The following ANKMY1 variants were observed in gnomAD, a reference collection of about 807,000 sequenced individuals.
ANKMY1 encodes the protein ankyrin repeat and MYND domain-containing protein 1.
Under a neutral mutation model 102.0 loss-of-function variants are expected in ANKMY1, and 98 were observed. The observed-to-expected ratio is 0.96, with a 90% CI of 0.82 to 1.14. The LOEUF (loss-of-function observed/expected upper bound fraction) is 1.14. ANKMY1 is among the 50% of genes most tolerant of loss of function. The pLI is 0.00. For missense variants in ANKMY1, 1,330 were observed against 1,347.6 expected (o/e 0.99, Z 0.20); for synonymous variants, 582 against 559.9 (o/e 1.04, Z -0.56).
At chr2:240,508,904 A>G (rs1238365263) in intron 12 of ANKMY1, among the ~76,000 whole-genome samples, 1 of 151,192 alleles carries the variant, frequency 6.6e-6, no homozygotes, top group Non-Finnish European at 1.5e-5. Context: ...ATGGGTGAAT[A>G]GGTGAATGAA....
At chr2:240,541,187 A>G (rs2088669290) in intron 4 of ANKMY1, among the ~76,000 whole-genome samples, 1 of 152,110 alleles carries the variant, frequency 6.6e-6, no homozygotes, top group Non-Finnish European at 1.5e-5. Flanking sequence ...ATCTTTTGTG[A>G]GTGCCAGACA....
downstream of ANKMY1, among the ~76,000 whole-genome samples, chr2:240,474,490 T>C (rs2074730860): frequency 6.6e-6 from 1 of 151,898 alleles, no homozygotes; most frequent in Non-Finnish European, 1.5e-5. Flanking sequence ...TCATGGGGGG[T>C]TGTTGTACAG....
chr2:240,560,474 C>T (rs2092873983), upstream of ANKMY1: 2 of 698,672 alleles, frequency 2.9e-6, no homozygotes, highest in Non-Finnish European at 4.1e-6. Context: ...CCAAACCTCC[C>T]GCCATGCCCC....
Position 240,512,717 on chromosome 2 carries a change from A to G in ANKMY1, c.2145+85T>C, listed in dbSNP as rs912510070. The G allele has an allele frequency of 3.4e-6, 5 of 1,458,522 alleles. No homozygotes were observed. The African/African-American group carries it at 7.1e-5, about 21-fold the overall frequency. The allele number at this position is 1,458,522 out of a possible 1,614,324, so 90.3% of individuals were successfully genotyped here. On this transcript the variant is annotated intron_variant, in intron 10 of 17. Transcript: ENST00000401804. ...GCCAGGAGGCCCATCATGCTCGGCA[A>G]GCACAGGCTAGGCAGAGTGTGTGAA...
At chr2:240,513,533 C>T (rs1471913002) in intron 9 of ANKMY1, among the ~76,000 whole-genome samples, 3 of 152,244 alleles carry the variant, frequency 2.0e-5, no homozygotes, top group Middle Eastern at 3.2e-3. Flanking sequence ...AGACCAGCCT[C>T]GCTCCAACAG....
intron 11 of ANKMY1, among the ~76,000 whole-genome samples, chr2:240,511,369 A>C (rs556936691): frequency 2.6e-5 from 4 of 152,362 alleles, no homozygotes; most frequent in African/African-American, 9.6e-5. Context: ...ACTTGGCCTC[A>C]GTTTCCCCGC....
Position 240,529,527 on chromosome 2 carries a change from T to C in ANKMY1, c.481-18A>G, listed in dbSNP as rs370302312. On this transcript the variant is annotated intron_variant, in intron 4 of 17. Transcript: ENST00000401804. This position sits in a 1 kb window ranked among gnomAD's most constrained non-coding sequence, Gnocchi z 4.2. ...TATAGCCCCTGCCAAGGAAGCGCAA[T>C]AGACCGAGGAGAGATAACGCGACCC... 6.3e-6 allele frequency: 10 copies of C among 1,596,800 alleles called. 2 individuals carry two copies. The South Asian group carries it at 6.7e-5, about 11-fold the overall frequency.
chr2:240,496,259 T>C (rs1465526750), intron 15 of ANKMY1, among the ~76,000 whole-genome samples: 3 of 152,218 alleles, frequency 2.0e-5, no homozygotes, highest in Non-Finnish European at 4.4e-5. Context: ...ATAGATAAAT[T>C]ATTTTTAAAT....
intron 12 of ANKMY1, among the ~76,000 whole-genome samples, chr2:240,508,366 C>T (rs1405052822): frequency 2.6e-5 from 4 of 152,250 alleles, no homozygotes; most frequent in South Asian, 2.1e-4. Context: ...TGGATGACTC[C>T]GTGCAGGAGA....
intron 4 of ANKMY1, among the ~76,000 whole-genome samples, chr2:240,530,996 G>A (rs1330073306): frequency 3.3e-5 from 5 of 151,320 alleles, no homozygotes; most frequent in Non-Finnish European, 7.4e-5. Flanking sequence ...GCCACTACTG[G>A]GATAAAATAT....
chr2:240,479,730 C>G (rs959624095), intron 17 of ANKMY1, 75 bp from the exon 18 acceptor site: 2 of 1,413,882 alleles, frequency 1.4e-6, no homozygotes, highest in Admixed American at 3.4e-5. Flanking sequence ...GGCTCCAGAA[C>G]TCGGGCTGTG....
chr2:240,555,642 CACAG>C lies in ANKMY1; in HGVS notation c.147-591_147-588del, dbSNP rs545204144. 6.9e-4 allele frequency: 107 copies of C among 154,520 alleles called. 1 individual carries two copies. The highest frequency in any genetic ancestry group is 2.2e-3 in the African/African-American group (93 of 41,606). 9.6% of individuals were successfully genotyped at this position (154,520 alleles called of 1,614,324 possible). On this transcript the variant is annotated intron_variant, in intron 2 of 17. Transcript: ENST00000401804. ...GATTTGCCGTAACTCATAGGGCGTC[CACAG>C]ACAGACAGGGCATGTCAGACCCCCC...
intron 4 of ANKMY1, among the ~76,000 whole-genome samples, chr2:240,542,496 T>C (rs1167827667): frequency 1.3e-5 from 2 of 148,344 alleles, no homozygotes; most frequent in Admixed American, 1.3e-4. Context: ...AGACCGAGAC[T>C]CCGTCTCAAA....
At chr2:240,556,282 T>A (rs1363386967) in intron 2 of ANKMY1, among the ~76,000 whole-genome samples, 2 of 152,194 alleles carry the variant, frequency 1.3e-5, no homozygotes, top group South Asian at 4.1e-4. Flanking sequence ...AAGAGGCCTC[T>A]GAGGAGGAAA....
At chr2:240,487,960 C>A (rs2076242069) in intron 15 of ANKMY1, among the ~76,000 whole-genome samples, 1 of 152,124 alleles carries the variant, frequency 6.6e-6, no homozygotes, top group African/African-American at 2.4e-5. Flanking sequence ...TTTCATTATG[C>A]AGAAACTCTT....
At chr2:240,539,397 T>C (rs1282995547) in intron 4 of ANKMY1, among the ~76,000 whole-genome samples, 1 of 152,138 alleles carries the variant, frequency 6.6e-6, no homozygotes, top group Admixed American at 6.5e-5. Flanking sequence ...GCTTCACTCC[T>C]GAAGCCAGCG....
intron 15 of ANKMY1, among the ~76,000 whole-genome samples, chr2:240,488,098 T>A (rs1430307070): frequency 1.3e-5 from 2 of 152,310 alleles, no homozygotes; most frequent in East Asian, 3.9e-4. Context: ...ATTTTTATAG[T>A]CTCAAGTCTT....
At chr2:240,503,539 C>A (rs189236201) in intron 13 of ANKMY1, among the ~76,000 whole-genome samples, 1 of 152,172 alleles carries the variant, frequency 6.6e-6, no homozygotes, top group Non-Finnish European at 1.5e-5. Context: ...TCGAGCTTCA[C>A]GCGTTCATTT....
downstream of ANKMY1, among the ~76,000 whole-genome samples, chr2:240,475,803 T>C (rs534657054): frequency 7.9e-5 from 12 of 151,990 alleles, no homozygotes; most frequent in South Asian, 4.1e-4. Context: ...ATAAATACTA[T>C]AAAATATAGA....
Sources: gnomAD v4.1 joint callset for allele counts (sites outside exome capture counted in the v4.1 genomes callset) on GRCh38, gnomAD v4.1.1 for gene constraint, Gnocchi (gnomAD v3.1) non-coding constraint, MANE v1.5 for transcripts, NCBI Gene and HGNC (gene_info 2026-07-23, HGNC 2026-07-21) for gene names.